The following TAFA1 variants were observed in gnomAD, a reference collection of about 807,000 sequenced individuals.
TAFA1 encodes TAFA chemokine like family member 1, also known as chemokine-like protein TAFA-1.
Under a neutral mutation model 18.5 loss-of-function variants are expected in TAFA1, and 4 were observed. The ratio of observed to expected loss-of-function variants is 0.22; its 90% confidence interval spans 0.11 to 0.49. The LOEUF (loss-of-function observed/expected upper bound fraction) is 0.49, where lower values mean the gene tolerates loss of function less well. TAFA1 is among the 20% of genes least tolerant of loss of function. The probability of loss-of-function intolerance (pLI) is 0.98; values close to 1 mark genes in which losing one functional copy is unlikely to be tolerated. For missense variants in TAFA1, 147 were observed against 169.0 expected, an observed-to-expected ratio of 0.87 and a Z score of 0.72; for synonymous variants, 56 against 55.2, an observed-to-expected ratio of 1.01 and a Z score of -0.06.
chr3:68,353,596 A>G (rs979758746), intron 2 of TAFA1, among the ~76,000 whole-genome samples: 14 of 152,154 alleles, frequency 9.2e-5, no homozygotes, highest in African/African-American at 2.2e-4. Context: ...TCATGCAACA[A>G]TGGCTGCAGG....
intron 2 of TAFA1, among the ~76,000 whole-genome samples, chr3:68,310,938 A>G (rs967280970): frequency 2.6e-5 from 4 of 152,144 alleles, no homozygotes; most frequent in African/African-American, 9.7e-5. Flanking sequence ...TGCTGCTGAT[A>G]AAGACACACC....
At chr3:68,370,454 ATGTG>A (rs1233179753) in intron 2 of TAFA1, among the ~76,000 whole-genome samples, 1,937 of 39,366 alleles carry the variant, frequency 0.049, 97 homozygotes, top group Non-Finnish European at 0.066. Flanking sequence ...ATGTATATAT[ATGTG>A]TGTGTGTGTG....
chr3:68,264,197 G>T (rs976434069), intron 2 of TAFA1, among the ~76,000 whole-genome samples: 10 of 152,112 alleles, frequency 6.6e-5, no homozygotes, highest in African/African-American at 2.4e-4. Flanking sequence ...TTGAACCCAG[G>T]AGGTGAAGTT....
At chr3:68,438,863 G>A (rs998443266) in intron 3 of TAFA1, among the ~76,000 whole-genome samples, 1 of 152,076 alleles carries the variant, frequency 6.6e-6, no homozygotes, top group Non-Finnish European at 1.5e-5. Flanking sequence ...CCACAGCTAG[G>A]ATGGCCACAC....
At chr3:68,382,247 G>A (rs1322689264) in intron 2 of TAFA1, among the ~76,000 whole-genome samples, 1 of 152,046 alleles carries the variant, frequency 6.6e-6, no homozygotes, top group East Asian at 1.9e-4. Context: ...TCTCCTTTTT[G>A]TTGTGTCTCT....
chr3:68,165,143 A>G (rs1052550984), intron 2 of TAFA1, among the ~76,000 whole-genome samples: 1 of 152,242 alleles, frequency 6.6e-6, no homozygotes, highest in African/African-American at 2.4e-5. Flanking sequence ...GTGCATGGAG[A>G]ACTATCGACT....
chr3:68,287,469 G>A (rs555917801), intron 2 of TAFA1, among the ~76,000 whole-genome samples: 3 of 146,406 alleles, frequency 2.0e-5, no homozygotes, highest in African/African-American at 5.4e-5. Context: ...CACCGTAAGG[G>A]GCAATGAGAT....
intron 2 of TAFA1, among the ~76,000 whole-genome samples, chr3:68,382,905 C>G (rs141601857): frequency 6.6e-6 from 1 of 151,896 alleles, no homozygotes; most frequent in South Asian, 2.1e-4. Flanking sequence ...ATAGTTCTTT[C>G]TGTAAAGATC....
chr3:68,487,998 C>A (rs370664392), intron 3 of TAFA1, among the ~76,000 whole-genome samples: 1 of 152,040 alleles, frequency 6.6e-6, no homozygotes, highest in Admixed American at 6.6e-5. Flanking sequence ...CAGATGCCCC[C>A]ACATAGCAAT....
At chr3:68,169,850 G>A (rs896714874) in intron 2 of TAFA1, among the ~76,000 whole-genome samples, 6 of 152,152 alleles carry the variant, frequency 3.9e-5, no homozygotes, top group African/African-American at 4.8e-5. Flanking sequence ...TCAGCAGCTG[G>A]CCAGAAGATT....
intron 2 of TAFA1, among the ~76,000 whole-genome samples, chr3:68,217,060 T>G (rs12497776): frequency 6.6e-6 from 1 of 152,052 alleles, no homozygotes; most frequent in Admixed American, 6.6e-5. Flanking sequence ...GACTTTCTTC[T>G]GAAGTGTAAA....
At chr3:68,079,601 G>C (rs2064870993) in intron 2 of TAFA1, among the ~76,000 whole-genome samples, 1 of 152,130 alleles carries the variant, frequency 6.6e-6, no homozygotes, top group Non-Finnish European at 1.5e-5. Context: ...AGGTTGTTCA[G>C]TTTCCATGTA....
intron 2 of TAFA1, among the ~76,000 whole-genome samples, chr3:68,015,714 A>G (rs563927024): frequency 6.6e-6 from 1 of 152,310 alleles, no homozygotes; most frequent in Non-Finnish European, 1.5e-5. Context: ...AGTTCTCCAA[A>G]TCTAGTCTGC....
At chr3:68,260,927 A>C (rs867219916) in intron 2 of TAFA1, among the ~76,000 whole-genome samples, 1 of 152,174 alleles carries the variant, frequency 6.6e-6, no homozygotes, top group East Asian at 1.9e-4. Context: ...AATGGGATCT[A>C]ATTAAACTAA....
intron 2 of TAFA1, among the ~76,000 whole-genome samples, chr3:68,384,064 C>T (rs1421398901): frequency 6.6e-6 from 1 of 151,598 alleles, no homozygotes; most frequent in Non-Finnish European, 1.5e-5. Context: ...TTTGGATCCT[C>T]TCTCTTTTCT....
intron 2 of TAFA1, among the ~76,000 whole-genome samples, chr3:68,224,424 T>C (rs2066771183): frequency 6.6e-6 from 1 of 152,180 alleles, no homozygotes; most frequent in African/African-American, 2.4e-5. Flanking sequence ...ATTCTCTGTT[T>C]GTAAAATTTT....
chr3:68,146,890 A>T (rs2065747470), intron 2 of TAFA1, among the ~76,000 whole-genome samples: 1 of 152,154 alleles, frequency 6.6e-6, no homozygotes, highest in Non-Finnish European at 1.5e-5. Context: ...CCTTTATACA[A>T]TAGATTTCTT....
chr3:68,199,950 T>C (rs926625920), intron 2 of TAFA1, among the ~76,000 whole-genome samples: 2 of 151,582 alleles, frequency 1.3e-5, no homozygotes, highest in Non-Finnish European at 3.0e-5. Flanking sequence ...TAGTTTCTCA[T>C]CACTAAATAT....
At chr3:68,007,794 G>A (rs1465152647) in intron 2 of TAFA1, among the ~76,000 whole-genome samples, 1 of 152,076 alleles carries the variant, frequency 6.6e-6, no homozygotes, top group Admixed American at 6.5e-5. Flanking sequence ...CAGCGTCTAC[G>A]CCCTCGCCTT....
Sources: allele counts gnomAD v4.1 joint callset (sites outside exome capture counted in the v4.1 genomes callset), GRCh38; gene constraint gnomAD v4.1.1; transcripts MANE v1.5; gene names NCBI Gene and HGNC (gene_info 2026-07-23, HGNC 2026-07-21).